XYLT1: variants seen among roughly 807,000 people sequenced by gnomAD.
The protein encoded by XYLT1 is beta-D-xylosyltransferase 1.
Under a neutral mutation model 91.3 loss-of-function variants are expected in XYLT1, and 36 were observed. That is an observed-to-expected ratio of 0.39 (90% CI 0.30 to 0.52). The LOEUF (loss-of-function observed/expected upper bound fraction) is 0.52, where lower values mean the gene tolerates loss of function less well. Among genes scored for constraint, XYLT1 ranks in the 20% least tolerant of loss-of-function variants. The pLI is 0.68. For synonymous variants in XYLT1, 588 were observed against 532.0 expected (o/e 1.11, Z -1.45); for missense variants, 1,242 against 1,284.5 (o/e 0.97, Z 0.51).
At position 17,409,546 on chromosome 16, in the gene XYLT1, C is replaced by CTTT. The variant is rs35377886; in HGVS notation, c.364-51499_364-51497dup. 4.3e-4 allele frequency among the ~76,000 whole-genome samples: 50 copies of CTTT among 117,310 alleles called. 1 individual carries two copies. Among genetic ancestry groups the CTTT allele is most frequent in the African/African-American group, 1.0e-3 (31 of 30,234 alleles). 77.0% of individuals were successfully genotyped at this position (117,310 alleles called of 152,430 possible). A position where few individuals can be genotyped will look rare whatever the true frequency, so the allele number is the denominator to read the frequency against. ...AAGTTGGTTTTGAAGTATTGAGACA[C>CTTT]TTTTTTTTTTTTTTTTTTTTTTAGA... On this transcript the variant is annotated intron_variant, in intron 1 of 11. Transcript: ENST00000261381.
At chr16:17,444,476 C>A in intron 1 of XYLT1, among the ~76,000 whole-genome samples, 1 of 151,708 alleles carries the variant, frequency 6.6e-6, no homozygotes, top group Non-Finnish European at 1.5e-5. Flanking sequence ...GTTGGGACTA[C>A]AGACACATGC....
chr16:17,355,659 T>C (rs1192842491), intron 2 of XYLT1, among the ~76,000 whole-genome samples: 1 of 152,194 alleles, frequency 6.6e-6, no homozygotes. Context: ...GTTCCATGAA[T>C]ATTATTGCTT....
intron 5 of XYLT1, among the ~76,000 whole-genome samples, chr16:17,183,646 T>A (rs1410529392): frequency 6.6e-6 from 1 of 152,202 alleles, no homozygotes; most frequent in East Asian, 1.9e-4. Flanking sequence ...TGCATGGAAA[T>A]CACTTGGCCT....
intron 7 of XYLT1, among the ~76,000 whole-genome samples, chr16:17,140,273 G>A (rs1171275525): frequency 2.6e-5 from 4 of 152,176 alleles, no homozygotes; most frequent in Non-Finnish European, 5.9e-5. Flanking sequence ...CTTTTCTTCA[G>A]GGAATAATAG....
At chr16:17,402,147 AC>A (rs66784568) in intron 1 of XYLT1, among the ~76,000 whole-genome samples, 26,011 of 123,486 alleles carry the variant, frequency 0.21, 2,320 homozygotes, top group African/African-American at 0.24. Context: ...AAAAAAAAAA[AC>A]ACACACACAC....
At chr16:17,127,088 A>G (rs2030289344) in intron 10 of XYLT1, among the ~76,000 whole-genome samples, 1 of 152,238 alleles carries the variant, frequency 6.6e-6, no homozygotes, top group Non-Finnish European at 1.5e-5. Context: ...ATTTGGATTT[A>G]GATCAGAATG....
At chr16:17,310,059 G>C (rs1308445200) in intron 2 of XYLT1, among the ~76,000 whole-genome samples, 1 of 152,174 alleles carries the variant, frequency 6.6e-6, no homozygotes, top group African/African-American at 2.4e-5. Flanking sequence ...TCTGGGACCT[G>C]ATTTCAGGAA....
intron 3 of XYLT1, among the ~76,000 whole-genome samples, chr16:17,229,317 A>G (rs1188394085): frequency 6.6e-6 from 1 of 152,170 alleles, no homozygotes; most frequent in Non-Finnish European, 1.5e-5. Context: ...GTTTGCCTCC[A>G]TCCTCCTTGT....
intron 1 of XYLT1, among the ~76,000 whole-genome samples, chr16:17,459,377 A>G (rs1031484244): frequency 6.6e-6 from 1 of 152,222 alleles, no homozygotes; most frequent in African/African-American, 2.4e-5. Flanking sequence ...GTCTCAATAA[A>G]TTAACAAATA....
chr16:17,271,489 G>C (rs876674), intron 2 of XYLT1, among the ~76,000 whole-genome samples: 17,233 of 152,174 alleles, frequency 0.11, 1,104 homozygotes, highest in Non-Finnish European at 0.14. Flanking sequence ...TAGGCACAGA[G>C]AGAATGTGAA....
chr16:17,295,814 G>A (rs992657912), intron 2 of XYLT1, among the ~76,000 whole-genome samples: 2 of 152,128 alleles, frequency 1.3e-5, no homozygotes, highest in East Asian at 1.9e-4. Flanking sequence ...TGCACAGGAC[G>A]ACCCTCCACA....
intron 3 of XYLT1, among the ~76,000 whole-genome samples, chr16:17,240,596 G>T (rs2033330719): frequency 6.6e-6 from 1 of 152,208 alleles, no homozygotes; most frequent in Non-Finnish European, 1.5e-5. Flanking sequence ...AGGTCTTGCT[G>T]CTGGTTGAAA....
At chr16:17,469,317 C>G (rs1390494056) in intron 1 of XYLT1, among the ~76,000 whole-genome samples, 1 of 152,238 alleles carries the variant, frequency 6.6e-6, no homozygotes, top group Non-Finnish European at 1.5e-5. Flanking sequence ...CCTTTAACGG[C>G]TAGGCAAATC....
intron 3 of XYLT1, among the ~76,000 whole-genome samples, chr16:17,216,600 G>T (rs1036698401): frequency 6.6e-5 from 10 of 152,130 alleles, no homozygotes; most frequent in African/African-American, 9.7e-5. Flanking sequence ...AGCTCATGTG[G>T]GTAGGATTTA....
chr16:17,268,292 T>C (rs2033836198), intron 2 of XYLT1, among the ~76,000 whole-genome samples: 1 of 152,194 alleles, frequency 6.6e-6, no homozygotes, highest in Non-Finnish European at 1.5e-5. Context: ...TATGCATACT[T>C]TTCATAAATA....
intron 1 of XYLT1, among the ~76,000 whole-genome samples, chr16:17,377,774 C>T (rs2035622162): frequency 6.6e-6 from 1 of 152,166 alleles, no homozygotes; most frequent in Admixed American, 6.5e-5. Flanking sequence ...GGAGCATCCC[C>T]ATTCACGCTG....
At chr16:17,146,470 TG>T (rs1007700191) in intron 6 of XYLT1, among the ~76,000 whole-genome samples, 6 of 152,132 alleles carry the variant, frequency 3.9e-5, no homozygotes, top group Non-Finnish European at 7.3e-5. Context: ...AGATATGGGT[TG>T]TAAAGTTAGA....
intron 6 of XYLT1, among the ~76,000 whole-genome samples, chr16:17,157,690 G>A (rs2031441545): frequency 6.6e-6 from 1 of 152,172 alleles, no homozygotes; most frequent in South Asian, 2.1e-4. Context: ...CAGGTTCAAT[G>A]CTAGAACAAG....
chr16:17,177,388 C>T (rs74010730), intron 5 of XYLT1, among the ~76,000 whole-genome samples: 10 of 152,278 alleles, frequency 6.6e-5, no homozygotes, highest in African/African-American at 2.2e-4. Context: ...ATATGCATGT[C>T]TGTTTCCTGC....
Sources: gnomAD v4.1 joint callset for allele counts (sites outside exome capture counted in the v4.1 genomes callset) on GRCh38, gnomAD v4.1.1 for gene constraint, MANE v1.5 for transcripts, NCBI Gene and HGNC (gene_info 2026-07-23, HGNC 2026-07-21) for gene names.